Variants in SYN3 observed in about 807,000 individuals in gnomAD.
The protein encoded by SYN3 is synapsin-3.
Under a neutral mutation model 65.8 loss-of-function variants are expected in SYN3, and 35 were observed. The ratio of observed to expected loss-of-function variants is 0.53; its 90% CI spans 0.41 to 0.70. The LOEUF (loss-of-function observed/expected upper bound fraction) is 0.70, where lower values mean the gene tolerates loss of function less well. Ranked by LOEUF, SYN3 falls within the 30% of genes least tolerant of loss-of-function variation. The probability of loss-of-function intolerance (pLI) is 0.00; values close to 1 mark genes in which losing one functional copy is unlikely to be tolerated. For missense variants in SYN3, 680 were observed against 749.0 expected (o/e 0.91, Z 1.08); for synonymous variants, 270 against 292.9 (o/e 0.92, Z 0.80).
intron 6 of SYN3, among the ~76,000 whole-genome samples, chr22:32,616,492 G>A (rs1477279789): frequency 6.6e-6 from 1 of 152,174 alleles, no homozygotes; most frequent in Non-Finnish European, 1.5e-5. Context: ...CACAGACACA[G>A]GGCACTGAAT....
chr22:32,765,130 G>A (rs2045590199), intron 6 of SYN3, among the ~76,000 whole-genome samples: 1 of 152,102 alleles, frequency 6.6e-6, no homozygotes, highest in Non-Finnish European at 1.5e-5. Flanking sequence ...GAGAGAGTGT[G>A]TGAGTGTGGA....
At chr22:32,798,933 C>T (rs748424321) in intron 6 of SYN3, among the ~76,000 whole-genome samples, 10 of 152,176 alleles carry the variant, frequency 6.6e-5, no homozygotes, top group East Asian at 1.9e-4. Flanking sequence ...CCTCGTGATC[C>T]GCCCACCTTG....
chr22:32,808,949 C>T (rs1569241080), intron 6 of SYN3, among the ~76,000 whole-genome samples: 1 of 152,208 alleles, frequency 6.6e-6, no homozygotes, highest in Admixed American at 6.5e-5. Flanking sequence ...ATGCTCTCTG[C>T]ATTACTTGAT....
chr22:32,920,340 C>A (rs2050304169), intron 4 of SYN3, among the ~76,000 whole-genome samples: 1 of 152,150 alleles, frequency 6.6e-6, no homozygotes, highest in South Asian at 2.1e-4. Flanking sequence ...TTTTATCTCT[C>A]CCTTGTGGGG....
At chr22:32,766,539 C>T (rs922561853) in intron 6 of SYN3, among the ~76,000 whole-genome samples, 19 of 152,302 alleles carry the variant, frequency 1.2e-4, no homozygotes, top group African/African-American at 4.6e-4. Context: ...ATTTGAATCT[C>T]CGCACCCAGA....
chr22:32,785,512 G>T (rs1473527629), intron 6 of SYN3, among the ~76,000 whole-genome samples: 1 of 152,202 alleles, frequency 6.6e-6, no homozygotes, highest in Non-Finnish European at 1.5e-5. Flanking sequence ...TGGGAGAGAA[G>T]CACTTGGCTT....
chr22:32,711,381 G>A (rs1462907107), intron 6 of SYN3, among the ~76,000 whole-genome samples: 1 of 152,206 alleles, frequency 6.6e-6, no homozygotes, highest in African/African-American at 2.4e-5. Flanking sequence ...TTAGCAGTGA[G>A]AAATAGGTCT....
intron 6 of SYN3, among the ~76,000 whole-genome samples, chr22:32,749,196 G>A (rs1429066118): frequency 2.0e-5 from 3 of 151,934 alleles, no homozygotes; most frequent in South Asian, 4.2e-4. Flanking sequence ...CTGTGTCCTC[G>A]AATGCCAAAA....
intron 2 of SYN3, among the ~76,000 whole-genome samples, chr22:32,993,416 C>T (rs763918281): frequency 3.3e-5 from 5 of 152,142 alleles, no homozygotes; most frequent in African/African-American, 1.2e-4. Flanking sequence ...ATTGCAGTGG[C>T]GCGATCTCGG....
At chr22:32,902,046 G>C (rs1398019970) in intron 4 of SYN3, among the ~76,000 whole-genome samples, 1 of 152,140 alleles carries the variant, frequency 6.6e-6, no homozygotes, top group East Asian at 1.9e-4. Flanking sequence ...AGCTTTGTTG[G>C]GCACATGAGA....
At chr22:32,634,054 T>C (rs1043392233) in intron 6 of SYN3, among the ~76,000 whole-genome samples, 10 of 152,144 alleles carry the variant, frequency 6.6e-5, no homozygotes, top group African/African-American at 1.4e-4. Flanking sequence ...TTGTAAGAGA[T>C]AAAAATGGAA....
At chr22:32,521,364 AAC>A (rs2057877887) in intron 12 of SYN3, among the ~76,000 whole-genome samples, 1 of 152,140 alleles carries the variant, frequency 6.6e-6, no homozygotes, top group South Asian at 2.1e-4. Flanking sequence ...GCTGTATAGA[AAC>A]ACAGGCCCAT....
chr22:32,782,515 CTTT>C (rs1265679936), intron 6 of SYN3, among the ~76,000 whole-genome samples: 32 of 124,134 alleles, frequency 2.6e-4, no homozygotes, highest in East Asian at 4.7e-4. Context: ...CCTTGTAATT[CTTT>C]TTTTTTTTTT....
At position 32,511,522 on chromosome 22, in the gene SYN3, G is replaced by C. The variant is rs1001268830; in HGVS notation, c.*2170C>G. ...AAAAAGAAGGGAGATGTGTTACTGG[G>C]CAGAGTGAGCTCCAGACATGCCAGA... On this transcript the variant is annotated 3_prime_UTR_variant, in exon 14 of 14. Transcript: ENST00000358763. Among the ~76,000 whole-genome samples, 2 of 152,204 alleles carry C rather than the reference G, an allele frequency of 1.3e-5. No homozygotes were observed. The highest frequency in any genetic ancestry group is 2.9e-5 in the Non-Finnish European group (2 of 68,042).
At chr22:32,561,380 G>T (rs1020730151) in intron 7 of SYN3, among the ~76,000 whole-genome samples, 2 of 152,184 alleles carry the variant, frequency 1.3e-5, no homozygotes, top group African/African-American at 4.8e-5. Context: ...TTGATACAGG[G>T]TAGGTGCCTT....
chr22:33,048,322 G>A (rs1389055524), intron 1 of SYN3, among the ~76,000 whole-genome samples: 1 of 152,028 alleles, frequency 6.6e-6, no homozygotes, highest in Non-Finnish European at 1.5e-5. Context: ...CAAATAGCAT[G>A]AGGGTATGGC....
At chr22:32,821,236 A>G (rs1229221067) in intron 6 of SYN3, among the ~76,000 whole-genome samples, 1 of 152,180 alleles carries the variant, frequency 6.6e-6, no homozygotes, top group African/African-American at 2.4e-5. Flanking sequence ...TGGTTTTCCC[A>G]ATTGCAAAAT....
chr22:32,525,284 TAAG>T (rs1040740382), intron 12 of SYN3, among the ~76,000 whole-genome samples: 11 of 152,168 alleles, frequency 7.2e-5, no homozygotes, highest in Non-Finnish European at 1.5e-4. Context: ...AGAACTAAAA[TAAG>T]AAGTGAAGCC....
chr22:32,538,187 G>A, intron 8 of SYN3, 77 bp from the exon 9 acceptor site: 1 of 1,325,220 alleles, frequency 7.5e-7, no homozygotes, highest in Non-Finnish European at 1.1e-6. Flanking sequence ...TGCTTTGGCT[G>A]TTAGGAGGCT....
Sources: gnomAD v4.1 joint callset for allele counts (sites outside exome capture counted in the v4.1 genomes callset) on GRCh38, gnomAD v4.1.1 for gene constraint, MANE v1.5 for transcripts, NCBI Gene and HGNC (gene_info 2026-07-23, HGNC 2026-07-21) for gene names.